CACNA1E: variants seen among roughly 807,000 people sequenced by gnomAD.
The protein encoded by CACNA1E is voltage-dependent R-type calcium channel subunit alpha-1E.
A neutral mutation model predicts 259.2 loss-of-function variants in CACNA1E; 40 were observed. The ratio of observed to expected loss-of-function variants is 0.15; its 90% CI spans 0.12 to 0.20. CACNA1E has a LOEUF of 0.20. Among genes scored for constraint, CACNA1E ranks in the 10% least tolerant of loss-of-function variants. The pLI, the probability that CACNA1E is intolerant of heterozygous loss-of-function variation, is 1.00. For synonymous variants in CACNA1E, 1,104 were observed against 1,138.5 expected (o/e 0.97, Z 0.61); for missense variants, 1,874 against 3,040.1 (o/e 0.62, Z 9.02).
chr1:181,558,444 A>G (rs1648966121), intron 3 of CACNA1E, among the ~76,000 whole-genome samples: 1 of 152,236 alleles, frequency 6.6e-6, no homozygotes, highest in South Asian at 2.1e-4. Context: ...AAAACAGATA[A>G]GAAAACTGAA....
intron 6 of CACNA1E, among the ~76,000 whole-genome samples, chr1:181,638,995 A>G (rs557291414): frequency 1.3e-5 from 2 of 152,220 alleles, no homozygotes; most frequent in Admixed American, 6.5e-5. Context: ...AGTTTGTTAC[A>G]TGTACAATTG....
At position 181,737,543 on chromosome 1, in the gene CACNA1E, C is replaced by T; in HGVS notation, c.3441C>T (p.His1147=). 1 of 1,613,976 alleles carries T rather than the reference C, an allele frequency of 6.2e-7. No homozygotes were observed. Among genetic ancestry groups the T allele is most frequent in the East Asian group, 2.2e-5 (1 of 44,878 alleles). ...STTNPIRRAC[H]YIVNLRYFEM... Reference sequence around the variant, plus strand: ...CCCGCAGGATCCGGAGGGCCTGCCACTACATCGTGAACCTGCGCTACTTTG... The same window carrying T: ...CCCGCAGGATCCGGAGGGCCTGCCATTACATCGTGAACCTGCGCTACTTTG... Residue 1147 remains histidine, a synonymous_variant, in exon 23 of 48, where the codon CAC becomes CAT. Coordinates refer to ENST00000367573, the MANE Select transcript of CACNA1E (RefSeq NM_001205293.3).
intron 1 of CACNA1E, among the ~76,000 whole-genome samples, chr1:181,344,613 T>C (rs1170827467): frequency 2.6e-5 from 4 of 152,154 alleles, no homozygotes; most frequent in Non-Finnish European, 5.9e-5. Context: ...CTGGAAATGC[T>C]CTTTGCCCTA....
chr1:181,721,976 C>A, intron 16 of CACNA1E, 101 bp downstream of exon 16: 1 of 779,686 alleles, frequency 1.3e-6, no homozygotes, highest in Non-Finnish European at 2.3e-6. Context: ...GTTGGTGGGA[C>A]AGGGGCGTGG....
intron 1 of CACNA1E, among the ~76,000 whole-genome samples, chr1:181,389,957 C>T (rs532935253): frequency 1.3e-5 from 2 of 152,242 alleles, no homozygotes; most frequent in Admixed American, 6.5e-5. Flanking sequence ...AGGAGACTGA[C>T]GTGGCTGCAG....
intron 6 of CACNA1E, among the ~76,000 whole-genome samples, chr1:181,614,237 A>G (rs1215922031): frequency 6.6e-6 from 1 of 152,012 alleles, no homozygotes; most frequent in Non-Finnish European, 1.5e-5. Context: ...AATGATCCAC[A>G]TGTTGGATTC....
At chr1:181,742,286 T>A (rs970057189) in intron 25 of CACNA1E, among the ~76,000 whole-genome samples, 11 of 152,030 alleles carry the variant, frequency 7.2e-5, no homozygotes, top group African/African-American at 2.7e-4. Context: ...GGGCAGAGAG[T>A]GAAAGAAGTC....
At position 181,686,283 on chromosome 1, in the gene CACNA1E, T is replaced by TTTTTTTGTTTTG. The variant is rs1553321331; in HGVS notation, c.1056-24665_1056-24664insGTTTTGTTTTTT. Among the ~76,000 whole-genome samples, 30 of 122,782 alleles carry TTTTTTTGTTTTG rather than the reference T, an allele frequency of 2.4e-4. 1 individual carries two copies. The highest frequency in any genetic ancestry group is 4.2e-3 in the Middle Eastern group (1 of 238). The allele number at this position is 122,782 out of a possible 152,430, so 80.5% of individuals were successfully genotyped here. ...AGGCCAGTAAGAACCAAGTTTTTTTTTTTTTTTTTTTTTTTTTTTTGAGAT... is the reference window on the plus strand; with the variant it reads ...AGGCCAGTAAGAACCAAGTTTTTTTTTTTTTTGTTTTGTTTTTTTTTTTTTTTTTTTTGAGAT... On this transcript the variant is annotated intron_variant, in intron 7 of 47. Transcript: ENST00000367573.
intron 33 of CACNA1E, 119 bp downstream of exon 33, chr1:181,762,776 T>C (rs899360600): frequency 9.1e-6 from 6 of 655,940 alleles, no homozygotes; most frequent in Non-Finnish European, 1.6e-5. Flanking sequence ...CCTCTAAGTG[T>C]TGGGAATTTA....
chr1:181,608,693 G>C (rs1654461946), intron 6 of CACNA1E, among the ~76,000 whole-genome samples: 1 of 152,192 alleles, frequency 6.6e-6, no homozygotes, highest in Admixed American at 6.5e-5. Context: ...TGGCATTTCT[G>C]AGCAGGATTG....
chr1:181,783,592 A>T, intron 39 of CACNA1E, 87 bp from the exon 40 acceptor site: 2 of 717,858 alleles, frequency 2.8e-6, no homozygotes, highest in Non-Finnish European at 4.9e-6. Flanking sequence ...TGTGCATTTG[A>T]CCTCTACCCT....
intron 6 of CACNA1E, among the ~76,000 whole-genome samples, chr1:181,628,379 C>A (rs529738984): frequency 6.6e-6 from 1 of 152,310 alleles, no homozygotes; most frequent in Non-Finnish European, 1.5e-5. Flanking sequence ...AATTGAAATT[C>A]TTTCTCCCAG....
intron 1 of CACNA1E, among the ~76,000 whole-genome samples, chr1:181,326,096 G>A (rs1650769641): frequency 6.6e-6 from 1 of 152,214 alleles, no homozygotes; most frequent in African/African-American, 2.4e-5. Flanking sequence ...TCCTTCCCCA[G>A]CGCCTCATTT....
intron 3 of CACNA1E, among the ~76,000 whole-genome samples, chr1:181,535,409 A>T (rs199524553): frequency 1.3e-5 from 2 of 148,534 alleles, no homozygotes; most frequent in Non-Finnish European, 3.0e-5. Context: ...TCTGACTTTT[A>T]AAAATTCACC....
intron 1 of CACNA1E, among the ~76,000 whole-genome samples, chr1:181,495,091 T>C (rs911525400): frequency 1.3e-5 from 2 of 152,344 alleles, no homozygotes; most frequent in African/African-American, 4.8e-5. Flanking sequence ...CAAAGTCCAC[T>C]TTAGGTATCA....
intron 1 of CACNA1E, among the ~76,000 whole-genome samples, chr1:181,510,254 G>T (rs1376851696): frequency 6.6e-6 from 1 of 152,188 alleles, no homozygotes; most frequent in Non-Finnish European, 1.5e-5. Context: ...TGGAGAAGAT[G>T]CTTTGTGTTC....
chr1:181,720,802 A>T lies in CACNA1E; in HGVS notation c.1903A>T (p.Thr635Ser). The T allele has an allele frequency of 6.2e-7, 1 of 1,607,508 alleles. No homozygotes were observed. The change falls in exon 15 of 48, where the codon ACT becomes TCT. Residue 635 changes from threonine to serine, a missense_variant. Around this residue, in one of 14 missense-constraint regions of CACNA1E, gnomAD observed 102 missense variants for 279.4 expected, o/e 0.37. Transcript: ENST00000367573. ...TTTCAGGTTTAACTTTAATGATGGG[A>T]CTCCTTCGGCAAATTTTGATACCTT... ...FGGRFNFNDG[T>S]PSANFDTFPA... is the part of the protein sequence containing the mutation.
intron 2 of CACNA1E, among the ~76,000 whole-genome samples, chr1:181,436,011 G>A (rs1467122310): frequency 6.6e-6 from 1 of 152,106 alleles, no homozygotes; most frequent in Non-Finnish European, 1.5e-5. Context: ...GAACTCAAAC[G>A]ACTTAAGAGC....
chr1:181,791,702 A>G (rs1412266836), intron 44 of CACNA1E, among the ~76,000 whole-genome samples: 1 of 151,968 alleles, frequency 6.6e-6, no homozygotes, highest in Non-Finnish European at 1.5e-5. Flanking sequence ...AAGAGAAAAA[A>G]AGACAAAACC....
Sources: gnomAD v4.1 joint callset for allele counts (sites outside exome capture counted in the v4.1 genomes callset) on GRCh38, gnomAD v4.1.1 for gene constraint, gnomAD v4.1.1 regional missense constraint, MANE v1.5 for transcripts, NCBI Gene and HGNC (gene_info 2026-07-23, HGNC 2026-07-21) for gene names.